SDK2: variants seen among roughly 807,000 people sequenced by gnomAD.
The protein encoded by SDK2 is sidekick cell adhesion molecule 2, also known as protein sidekick-2.
A neutral mutation model predicts 253.9 loss-of-function variants in SDK2; 105 were observed. That is an observed-to-expected ratio of 0.41 (90% CI 0.35 to 0.49). SDK2 has a LOEUF of 0.49. SDK2 is among the 20% of genes least tolerant of loss of function. SDK2 has a pLI of 0.06. For synonymous variants in SDK2, 1,249 were observed against 1,234.9 expected (o/e 1.01, Z -0.24); for missense variants, 2,608 against 3,003.0 (o/e 0.87, Z 3.07).
At chr17:73,524,402 A>G (rs1304866659) in intron 1 of SDK2, among the ~76,000 whole-genome samples, 1 of 152,138 alleles carries the variant, frequency 6.6e-6, no homozygotes, top group Non-Finnish European at 1.5e-5. Flanking sequence ...CTTTCCCAGA[A>G]CTAAAATTCC....
At chr17:73,339,117 G>T (rs575143284) in intron 44 of SDK2, among the ~76,000 whole-genome samples, 177 bp from the exon 45 acceptor site, 1 of 152,154 alleles carries the variant, frequency 6.6e-6, no homozygotes, top group Non-Finnish European at 1.5e-5. Context: ...GTTTGTGCCC[G>T]CCTGCTGCTT....
chr17:73,623,556 A>G (rs554044070), intron 1 of SDK2, among the ~76,000 whole-genome samples: 14 of 152,314 alleles, frequency 9.2e-5, no homozygotes, highest in African/African-American at 2.9e-4. Flanking sequence ...AGGAAATAAG[A>G]TGGTACCCTA....
At chr17:73,513,682 A>T (rs1250323101) in intron 1 of SDK2, 2 of 152,236 alleles carry the variant, frequency 1.3e-5, no homozygotes, top group Non-Finnish European at 2.9e-5. Context: ...AAAGCTTGGA[A>T]ATGGCCTGAA....
chr17:73,350,212 C>CT (rs750105039), intron 43 of SDK2, 25 bp downstream of exon 43: 1 of 1,533,834 alleles, frequency 6.5e-7, no homozygotes, highest in Admixed American at 2.1e-5. Context: ...GGCCTGGCCC[C>CT]CAACCCACGC....
intron 1 of SDK2, among the ~76,000 whole-genome samples, chr17:73,530,077 T>C (rs1599652581): frequency 6.6e-6 from 1 of 152,176 alleles, no homozygotes; most frequent in East Asian, 1.9e-4. Context: ...GTCGAACCCA[T>C]ACCTGAAGAA....
At chr17:73,366,567 G>A (rs2062687171) in intron 37 of SDK2, among the ~76,000 whole-genome samples, 1 of 152,196 alleles carries the variant, frequency 6.6e-6, no homozygotes, top group African/African-American at 2.4e-5. Context: ...GCTCAAGGGA[G>A]GCCGGGGCAA....
intron 24 of SDK2, among the ~76,000 whole-genome samples, chr17:73,396,541 G>A (rs995142393): frequency 1.3e-5 from 2 of 152,182 alleles, no homozygotes; most frequent in Admixed American, 6.5e-5. Context: ...CAGACACTTA[G>A]TGAAGCCGAC....
rs370171881 is a variant in SDK2, at chr17:73,435,634, C to T, written c.1011G>A (p.Pro337=). The change falls in exon 9 of 45, where the codon CCG becomes CCA. Residue 337 remains proline, a synonymous_variant. Transcript: ENST00000392650. The surrounding 1 kb of genome is among the most constrained non-coding windows in gnomAD (Gnocchi z 5.7). The stretch of plus-strand genomic sequence containing the variant: ...CGTCCTTGTACCAGGTGATGGAGGG[C>T]GGCGGCACACCTGTGGGCAAGACGT... ...DIPCQAKGVP[P]PSITWYKDAA... 71 of 1,562,214 alleles carry T rather than the reference C, an allele frequency of 4.5e-5. No individual in the cohort carries two copies. The highest frequency in any genetic ancestry group is 5.5e-5 in the Non-Finnish European group (63 of 1,153,258).
rs1190632570 is a variant in SDK2 at position 73,368,625 on chromosome 17, G to C, written c.4981-32C>G. ...GAACAGAAGGATGTGGGAGTGAGGGGGACAGGGGCAATGAGAGTCCCTCCT... is the reference window on the plus strand; with the variant it reads ...GAACAGAAGGATGTGGGAGTGAGGGCGACAGGGGCAATGAGAGTCCCTCCT... On this transcript the variant is annotated intron_variant, in intron 36 of 44. Transcript: ENST00000392650. 6 of 1,502,816 alleles carry C rather than the reference G, an allele frequency of 4.0e-6. No individual in the cohort carries two copies. The Admixed American group carries it at 1.3e-4, about 32-fold the overall frequency. The allele number at this position is 1,502,816 out of a possible 1,614,324, so 93.1% of individuals were successfully genotyped here. A position where few individuals can be genotyped will look rare whatever the true frequency, so the allele number is the denominator to read the frequency against.
chr17:73,405,515 T>TAA (rs1599532673), intron 18 of SDK2, among the ~76,000 whole-genome samples: 949 of 46,856 alleles, frequency 0.02, 268 homozygotes, highest in Middle Eastern at 0.037. Flanking sequence ...TATATATATA[T>TAA]ATAAAGATCG....
rs937349416 is a variant in SDK2, at chr17:73,335,788, A to G, written c.*2799T>C. On this transcript the variant is annotated 3_prime_UTR_variant, in exon 45 of 45. Coordinates refer to ENST00000392650, the MANE Select transcript of SDK2 (RefSeq NM_001144952.2). ...CCAGGCCACCTGTGCCTCACAGGGGAGAGATGGCTTCAGCCATCAGAGGGA... is the reference window on the plus strand; with the variant it reads ...CCAGGCCACCTGTGCCTCACAGGGGGGAGATGGCTTCAGCCATCAGAGGGA... The G allele has an allele frequency of 6.6e-6, 1 of 152,294 alleles. No homozygotes were observed. Among genetic ancestry groups the G allele is most frequent in the Non-Finnish European group, 1.5e-5 (1 of 68,084 alleles). 9.4% of individuals were successfully genotyped at this position (152,294 alleles called of 1,614,324 possible).
rs1193960262 is a variant in SDK2 at position 73,467,002 on chromosome 17, T to C, written c.331+5110A>G. On this transcript the variant is annotated intron_variant, in intron 3 of 44. Transcript: ENST00000392650. The surrounding 1 kb of genome is among the most constrained non-coding windows in gnomAD (Gnocchi z 4.1). ...GCCGTTATTTCAGGCACAAGGGCCA[T>C]GCCTGGCACACGGAAGAACCCTGGA... Among the ~76,000 whole-genome samples, 1 of 152,138 alleles carries C rather than the reference T, an allele frequency of 6.6e-6. No homozygotes were observed. The highest frequency in any genetic ancestry group is 2.4e-5 in the African/African-American group (1 of 41,442).
chr17:73,622,424 CT>C (rs1337183042), intron 1 of SDK2, among the ~76,000 whole-genome samples: 1 of 152,204 alleles, frequency 6.6e-6, no homozygotes, highest in African/African-American at 2.4e-5. Flanking sequence ...TATGATGCTT[CT>C]GGATTCCAGA....
intron 2 of SDK2, among the ~76,000 whole-genome samples, chr17:73,502,765 C>T (rs1200202295): frequency 1.3e-5 from 2 of 152,208 alleles, no homozygotes; most frequent in African/African-American, 4.8e-5. Context: ...TACTAAACCA[C>T]TGGGTGGGAG....
At position 73,644,367 on chromosome 17, in the gene SDK2, C is replaced by A. The variant is rs1378588640; in HGVS notation, c.-279G>T. Among the ~76,000 whole-genome samples, 2 of 152,172 alleles carry A rather than the reference C, an allele frequency of 1.3e-5. No homozygotes were observed. Among genetic ancestry groups the A allele is most frequent in the East Asian group, 1.9e-4 (1 of 5,162 alleles). ...CCTCTCGGACTAGGGCGCCTCTCTC[C>A]CTTAGCACCCCAACTCCGACTTCTC... On this transcript the variant is annotated 5_prime_UTR_variant, in exon 1 of 45. Transcript: ENST00000392650. The surrounding 1 kb of genome is among the most constrained non-coding windows in gnomAD (Gnocchi z 6.3).
At chr17:73,605,689 G>A (rs544068182) in intron 1 of SDK2, among the ~76,000 whole-genome samples, 4 of 152,310 alleles carry the variant, frequency 2.6e-5, no homozygotes, top group African/African-American at 7.2e-5. Flanking sequence ...ATACCCTGGT[G>A]TGCCTCCATG....
intron 38 of SDK2, among the ~76,000 whole-genome samples, chr17:73,362,543 C>A (rs149705191): frequency 6.6e-6 from 1 of 152,016 alleles, no homozygotes; most frequent in African/African-American, 2.4e-5. Context: ...AGGTGTGCAC[C>A]ATCATGCCTG....
At position 73,369,471 on chromosome 17, in the gene SDK2, C is replaced by T. The variant is rs149776101; in HGVS notation, c.4981-878G>A. Among the ~76,000 whole-genome samples the T allele has an allele frequency of 3.5e-3, 533 of 152,354 alleles. 5 individuals are homozygous for T. Among genetic ancestry groups the T allele is most frequent in the African/African-American group, 0.012 (513 of 41,588 alleles). ...ACCGCATACAGCAGCGGGACCTGGC[C>T]AGCTGACTTCCCAGAGCTGCAGTTT... is the stretch of plus-strand genomic sequence containing the variant. On this transcript the variant is annotated intron_variant, in intron 36 of 44. Coordinates refer to ENST00000392650, the MANE Select transcript of SDK2 (RefSeq NM_001144952.2).
chr17:73,543,894 G>A lies in SDK2; in HGVS notation c.65-36297C>T, dbSNP rs544654249. On this transcript the variant is annotated intron_variant, in intron 1 of 44. Coordinates refer to ENST00000392650, the MANE Select transcript of SDK2 (RefSeq NM_001144952.2). ...CCCATGGGTCCCAGACACTCATCACGGGGAAGAGGCAGTCACTCAGAGAGA... is the reference window on the plus strand; with the variant it reads ...CCCATGGGTCCCAGACACTCATCACAGGGAAGAGGCAGTCACTCAGAGAGA... 7.2e-5 allele frequency among the ~76,000 whole-genome samples: 11 copies of A among 152,308 alleles called. No homozygotes were observed. The South Asian group carries it at 1.7e-3, about 23-fold the overall frequency.
Sources: gnomAD v4.1 joint callset for allele counts (sites outside exome capture counted in the v4.1 genomes callset) on GRCh38, gnomAD v4.1.1 for gene constraint, Gnocchi (gnomAD v3.1) non-coding constraint, MANE v1.5 for transcripts, NCBI Gene and HGNC (gene_info 2026-07-23, HGNC 2026-07-21) for gene names.